TBC1D22B: variants seen among roughly 807,000 people sequenced by gnomAD.
The protein encoded by TBC1D22B is TBC1 domain family member 22B.
A neutral mutation model predicts 69.1 loss-of-function variants in TBC1D22B; 32 were observed. The observed-to-expected ratio is 0.46, with a 90% CI of 0.35 to 0.62. The LOEUF is 0.62. Among genes scored for constraint, TBC1D22B ranks in the 20% least tolerant of loss-of-function variants. The pLI, the probability that TBC1D22B is intolerant of heterozygous loss-of-function variation, is 0.00. For synonymous variants in TBC1D22B, 206 were observed against 229.8 expected, an observed-to-expected ratio of 0.90 and a Z score of 0.94; for missense variants, 462 against 630.9, an observed-to-expected ratio of 0.73 and a Z score of 2.87.
Position 37,257,954 on chromosome 6 carries a change from A to G in TBC1D22B, c.37A>G (p.Ser13Gly), listed in dbSNP as rs1283469909. 1 of 1,614,106 alleles carries G rather than the reference A, an allele frequency of 6.2e-7. No homozygotes were observed. Among genetic ancestry groups the G allele is most frequent in the Middle Eastern group, 1.6e-4 (1 of 6,062 alleles). ...AENSKQFWKR[S>G]AKLPGSIQPV... ...GAACAGCAAGCAGTTTTGGAAGAGG[A>G]GCGCTAAGCTGCCGGGGAGGTGAGC... is the stretch of plus-strand genomic sequence containing the variant. The change falls in exon 1 of 13, where the codon AGC becomes GGC. Residue 13 changes from serine (S) to glycine (G), a missense_variant. Around this residue, in one of 2 missense-constraint regions of TBC1D22B, gnomAD observed 237 missense variants for 255.4 expected, o/e 0.93. Coordinates refer to ENST00000373491, the MANE Select transcript of TBC1D22B (RefSeq NM_017772.4).
At chr6:37,294,225 G>A (rs1169041428) in intron 8 of TBC1D22B, among the ~76,000 whole-genome samples, 1 of 152,114 alleles carries the variant, frequency 6.6e-6, no homozygotes, top group African/African-American at 2.4e-5. Context: ...TTTTTTAAGA[G>A]ACAGTGGCAT....
intron 8 of TBC1D22B, among the ~76,000 whole-genome samples, chr6:37,299,234 A>G (rs910598610): frequency 1.3e-5 from 2 of 152,066 alleles, no homozygotes; most frequent in Non-Finnish European, 2.9e-5. Context: ...TGGTTTAATC[A>G]TTTACCTATT....
At chr6:37,284,978 G>A (rs1031792816) in intron 6 of TBC1D22B, among the ~76,000 whole-genome samples, 15 of 152,204 alleles carry the variant, frequency 9.9e-5, no homozygotes, top group African/African-American at 3.4e-4. Context: ...GTGACTGTAG[G>A]AGCTGTAGCT....
intron 2 of TBC1D22B, among the ~76,000 whole-genome samples, chr6:37,279,051 A>T (rs1766747373): frequency 9.9e-5 from 15 of 152,156 alleles, no homozygotes; most frequent in Admixed American, 9.8e-4. Flanking sequence ...ACCTAAGTGT[A>T]TGGGGGCCAG....
chr6:37,267,560 TACAC>T (rs1439194851), intron 1 of TBC1D22B, among the ~76,000 whole-genome samples: 2 of 145,314 alleles, frequency 1.4e-5, no homozygotes, highest in Admixed American at 7.1e-5. Context: ...CATATATATA[TACAC>T]ACACACATAT....
At chr6:37,291,481 G>T in intron 8 of TBC1D22B, 124 bp downstream of exon 8, 1 of 646,496 alleles carries the variant, frequency 1.5e-6, no homozygotes, top group Non-Finnish European at 2.6e-6. Context: ...AGTGCCTTTG[G>T]CATACACAGC....
At chr6:37,313,053 A>C in intron 9 of TBC1D22B, 29 bp downstream of exon 9, 2 of 1,582,852 alleles carry the variant, frequency 1.3e-6, no homozygotes, top group Non-Finnish European at 1.7e-6. Flanking sequence ...TGTGGGAACA[A>C]ACGTCTAGGT....
chr6:37,278,225 C>A lies in TBC1D22B; in HGVS notation c.114-1079C>A, dbSNP rs1766723922. 2.0e-5 allele frequency among the ~76,000 whole-genome samples: 3 copies of A among 152,138 alleles called. No homozygotes were observed. The South Asian group carries it at 6.2e-4, about 31-fold the overall frequency. The stretch of plus-strand genomic sequence containing the variant: ...CTTGTTGCTAGCAAATATATTGATT[C>A]TGAGGCTGCCGTCACTTTGGCACCT... On this transcript the variant is annotated intron_variant, in intron 2 of 12. Coordinates refer to ENST00000373491, the MANE Select transcript of TBC1D22B (RefSeq NM_017772.4).
chr6:37,318,612 C>T (rs904799189), intron 12 of TBC1D22B, among the ~76,000 whole-genome samples: 1 of 152,182 alleles, frequency 6.6e-6, no homozygotes, highest in African/African-American at 2.4e-5. Context: ...CCAGCCTTGA[C>T]ACACTCTTAT....
intron 1 of TBC1D22B, among the ~76,000 whole-genome samples, chr6:37,268,225 C>T (rs1766366643): frequency 6.6e-6 from 1 of 151,910 alleles, no homozygotes; most frequent in Non-Finnish European, 1.5e-5. Context: ...ATCATTTATT[C>T]TCATTTTCTT....
intron 1 of TBC1D22B, among the ~76,000 whole-genome samples, chr6:37,267,504 A>ATATATACAC (rs1424117115): frequency 4.4e-4 from 1 of 2,282 alleles, no homozygotes; most frequent in Non-Finnish European, 1.0e-3. Context: ...TATATACACT[A>ATATATACAC]TATATATAAT....
chr6:37,286,623 C>T (rs2113746248), intron 6 of TBC1D22B, among the ~76,000 whole-genome samples: 1 of 51,250 alleles, frequency 2.0e-5, no homozygotes, highest in East Asian at 6.3e-4. Context: ...CCAGATGATT[C>T]CCATTTCTTT....
chr6:37,328,581 T>G (rs1276609852), intron 12 of TBC1D22B, among the ~76,000 whole-genome samples: 1 of 152,204 alleles, frequency 6.6e-6, no homozygotes, highest in Non-Finnish European at 1.5e-5. Context: ...TTACGGTAAA[T>G]GTTGCATAGA....
At chr6:37,319,010 G>A (rs893042136) in intron 12 of TBC1D22B, among the ~76,000 whole-genome samples, 1 of 152,224 alleles carries the variant, frequency 6.6e-6, no homozygotes, top group African/African-American at 2.4e-5. Context: ...GTTCTGAAGA[G>A]TGGCAGCGTC....
chr6:37,278,555 A>G (rs919340177), intron 2 of TBC1D22B, among the ~76,000 whole-genome samples: 13 of 152,128 alleles, frequency 8.5e-5, no homozygotes, highest in Admixed American at 2.6e-4. Flanking sequence ...GCTCCTCGAC[A>G]TAGTTACTGC....
chr6:37,287,974 C>A (rs1249221841), intron 7 of TBC1D22B, among the ~76,000 whole-genome samples: 1 of 152,202 alleles, frequency 6.6e-6, no homozygotes, highest in Non-Finnish European at 1.5e-5. Flanking sequence ...TATGTTTTGA[C>A]TCAAGCAGTA....
At chr6:37,269,463 C>G in intron 1 of TBC1D22B, 131 bp from the exon 2 acceptor site, 1 of 792,778 alleles carries the variant, frequency 1.3e-6, no homozygotes, top group African/African-American at 1.7e-5. Flanking sequence ...TGGGGGATGG[C>G]TTGAGTACAG....
Position 37,313,814 on chromosome 6 carries a change from A to G in TBC1D22B, c.1090-2A>G. 1 of 1,614,088 alleles carries G rather than the reference A, an allele frequency of 6.2e-7. No individual in the cohort carries two copies. The highest frequency in any genetic ancestry group is 8.5e-7 in the Non-Finnish European group (1 of 1,179,924). ...TCATCCTGGGCTCTGTGTCATTTGC[A>G]GGATAACTACACCTTTGCACAACCA... On this transcript the variant is annotated splice_acceptor_variant, in intron 9 of 12. Coordinates refer to ENST00000373491, the MANE Select transcript of TBC1D22B (RefSeq NM_017772.4). LOFTEE classifies it high-confidence loss of function.
chr6:37,282,668 C>T (rs938366164), intron 4 of TBC1D22B, among the ~76,000 whole-genome samples: 6 of 152,228 alleles, frequency 3.9e-5, no homozygotes, highest in African/African-American at 1.4e-4. Flanking sequence ...TCCCCTCTAA[C>T]TTTCATCTCT....
Sources: gnomAD v4.1 joint callset for allele counts (sites outside exome capture counted in the v4.1 genomes callset) on GRCh38, gnomAD v4.1.1 for gene constraint, gnomAD v4.1.1 regional missense constraint, MANE v1.5 for transcripts, NCBI Gene and HGNC (gene_info 2026-07-23, HGNC 2026-07-21) for gene names.